The following RFPL2 variants were observed in gnomAD, a reference collection of about 807,000 sequenced individuals.
The protein encoded by RFPL2 is ret finger protein-like 2.
In RFPL2, 13 loss-of-function variants were observed where a neutral mutation model predicts 17.8. The observed-to-expected ratio is 0.73, with a 90% CI of 0.47 to 1.16. RFPL2 has a LOEUF of 1.16. RFPL2 is among the 50% of genes most tolerant of loss of function. The pLI, the probability that RFPL2 is intolerant of heterozygous loss-of-function variation, is 0.00. For synonymous variants in RFPL2, 189 were observed against 180.9 expected, an observed-to-expected ratio of 1.04 and a Z score of -0.36; for missense variants, 431 against 479.3, an observed-to-expected ratio of 0.90 and a Z score of 0.94.
chr22:32,191,108 C>T lies in RFPL2; in HGVS notation c.801G>A (p.Arg267=), dbSNP rs373525397. 6.2e-7 allele frequency: 1 copy of T among 1,614,002 alleles called. No individual in the cohort carries two copies. Among genetic ancestry groups the T allele is most frequent in the African/African-American group, 1.3e-5 (1 of 75,056 alleles). ...ATCCAAGCTCTGTGGTCAGCTGGAT[C>T]CTCCCTTTGCGGTGAACAGATTCTC... ...VCRESVHRKG[R]IQLTTELGFW... The change falls in exon 5 of 5, where the codon AGG becomes AGA. Residue 267 remains arginine (R), a synonymous_variant. Transcript: ENST00000652607.
chr22:32,199,221 C>T (rs960998896), intron 2 of RFPL2, among the ~76,000 whole-genome samples: 3 of 152,006 alleles, frequency 2.0e-5, no homozygotes, highest in African/African-American at 7.2e-5. Context: ...AGGCTGTGGA[C>T]ATGAAGCAGC....
At chr22:32,195,953 A>G (rs769243011) in intron 2 of RFPL2, among the ~76,000 whole-genome samples, 1 of 150,766 alleles carries the variant, frequency 6.6e-6, no homozygotes, top group Non-Finnish European at 1.5e-5. Flanking sequence ...GCCTCCACCA[A>G]AGCCCATTTC....
intron 2 of RFPL2, among the ~76,000 whole-genome samples, chr22:32,201,377 G>A (rs959601132): frequency 6.6e-6 from 1 of 152,152 alleles, no homozygotes; most frequent in Non-Finnish European, 1.5e-5. Context: ...AAAGCATTTG[G>A]TCAAGGAGAG....
At chr22:32,201,229 G>T (rs184245664) in intron 2 of RFPL2, among the ~76,000 whole-genome samples, 3 of 151,920 alleles carry the variant, frequency 2.0e-5, no homozygotes, top group Non-Finnish European at 2.9e-5. Flanking sequence ...TAGTAGAGAC[G>T]GGGTTTCACC....
rs5998296 is a variant in RFPL2, at chr22:32,198,534, G to A, written c.119+3799C>T. On this transcript the variant is annotated intron_variant, in intron 2 of 4. Coordinates refer to ENST00000652607, the MANE Select transcript of RFPL2 (RefSeq NM_001394555.1). ...GGGAGTAGATTTTCTATGAGCCTGTGTCACAGTGTGGGGTATTTCATGGAG... is the reference window on the plus strand; with the variant it reads ...GGGAGTAGATTTTCTATGAGCCTGTATCACAGTGTGGGGTATTTCATGGAG... 7.9e-3 allele frequency among the ~76,000 whole-genome samples: 1,206 copies of A among 152,188 alleles called. 12 individuals carry two copies. Among genetic ancestry groups the A allele is most frequent in the African/African-American group, 0.027 (1,126 of 41,502 alleles).
chr22:32,191,306 A>G lies in RFPL2; in HGVS notation c.603T>C (p.Ile201=). Residue 201 remains isoleucine, a synonymous_variant, in exon 5 of 5, where the codon ATT becomes ATC. Coordinates refer to ENST00000652607, the MANE Select transcript of RFPL2 (RefSeq NM_001394555.1). ...TTCGGACGCTCCTGAGGTCGTCAGA[A>G]ATGAGGAGGAAGTTGTTGGCTGTGT... The part of the protein sequence containing the change: ...DANTANNFLL[I]SDDLRSVRSG... 1.2e-5 allele frequency: 20 copies of G among 1,613,868 alleles called. No homozygotes were observed. Among genetic ancestry groups the G allele is most frequent in the Non-Finnish European group, 1.6e-5 (19 of 1,179,768 alleles).
intron 3 of RFPL2, among the ~76,000 whole-genome samples, chr22:32,193,771 G>A (rs951531095): frequency 6.7e-6 from 1 of 150,226 alleles, no homozygotes; most frequent in Non-Finnish European, 1.5e-5. Context: ...GCTGAGGCAG[G>A]AGAATCACTT....
At chr22:32,193,281 A>G in intron 3 of RFPL2, 89 bp from the exon 4 acceptor site, 1 of 1,607,952 alleles carries the variant, frequency 6.2e-7, no homozygotes, top group East Asian at 2.2e-5. Context: ...TCATGCATAG[A>G]GGTATTGTGT....
At chr22:32,202,918 G>A (rs900973534) in intron 1 of RFPL2, 40 of 998,748 alleles carry the variant, frequency 4.0e-5, no homozygotes, top group Non-Finnish European at 4.7e-5. Context: ...GGTCCCAGGC[G>A]GTCTCTGCAA....
At chr22:32,202,727 C>T in intron 1 of RFPL2, 177 bp from the exon 2 acceptor site, 2 of 1,204,790 alleles carry the variant, frequency 1.7e-6, no homozygotes, top group South Asian at 2.5e-5. Context: ...CACCACAGTG[C>T]CCGGGCTTCC....
chr22:32,193,138 T>G lies in RFPL2; in HGVS notation c.320A>C (p.Tyr107Ser). 6.2e-7 allele frequency: 1 copy of G among 1,613,900 alleles called. No individual in the cohort carries two copies. Among genetic ancestry groups the G allele is most frequent in the Non-Finnish European group, 8.5e-7 (1 of 1,179,850 alleles). The change falls in exon 4 of 5, where the codon TAT becomes TCT. Residue 107 changes from tyrosine to serine, a missense_variant. Transcript: ENST00000652607. ...EASSCPVCSD[Y>S]LEKPMSLECG... Reference sequence around the variant, plus strand: ...CTCCAGGGACATTGGTTTTTCCAGATAGTCTGAGCAGACGGGACAGCTGCT... The same window carrying G: ...CTCCAGGGACATTGGTTTTTCCAGAGAGTCTGAGCAGACGGGACAGCTGCT...
chr22:32,200,061 G>A (rs1923755562), intron 2 of RFPL2: 1 of 451,442 alleles, frequency 2.2e-6, no homozygotes, highest in Non-Finnish European at 4.5e-6. Context: ...CAGCACCCCT[G>A]TCACCCAGGG....
rs181570732 is a variant in RFPL2, at chr22:32,192,032, G to A, written c.557-680C>T. On this transcript the variant is annotated intron_variant, in intron 4 of 4. Coordinates refer to ENST00000652607, the MANE Select transcript of RFPL2 (RefSeq NM_001394555.1). ...TTGAAGAGATTGATTGCTGTTTGAT[G>A]GTGAATTAGGGAATGAAATGAATGG... is the stretch of plus-strand genomic sequence containing the variant. Among the ~76,000 whole-genome samples, 16 of 152,304 alleles carry A rather than the reference G, an allele frequency of 1.1e-4. No homozygotes were observed. The East Asian group carries it at 2.9e-3, about 28-fold the overall frequency.
Position 32,191,190 on chromosome 22 carries a change from C to G in RFPL2, c.719G>C (p.Arg240Pro). 6.2e-7 allele frequency: 1 copy of G among 1,613,918 alleles called. No homozygotes were observed. The highest frequency in any genetic ancestry group is 2.2e-5 in the East Asian group (1 of 44,880). ...TCCCACGTCCACCTCCCAGCAGTGG[C>G]GGCCACAGGTAAAGCGAGGGGAGCC... is the stretch of plus-strand genomic sequence containing the variant. ...ILGSPRFTCG[R>P]HCWEVDVGTS... is the part of the protein sequence containing the mutation. The change falls in exon 5 of 5, where the codon CGC (arginine) becomes CCC (proline). Residue 240 changes from arginine to proline, a missense_variant. Transcript: ENST00000652607.
In RFPL2 at chr22:32,194,396, G is replaced by C; in HGVS notation, c.214C>G (p.Leu72Val). The change falls in exon 3 of 5, where the codon CTG (leucine) becomes GTG (valine). Residue 72 changes from leucine (L) to valine (V), a missense_variant. Coordinates refer to ENST00000652607, the MANE Select transcript of RFPL2 (RefSeq NM_001394555.1). ...RPSCAPSPQD[L>V]SAQWKQLEDR... ...TCCAGCTGCTTCCACTGGGCGCTCA[G>C]GTCTTGTGGGGAAGGGGCACACGAG... 1 of 1,608,222 alleles carries C rather than the reference G, an allele frequency of 6.2e-7. No individual in the cohort carries two copies. Among genetic ancestry groups the C allele is most frequent in the Non-Finnish European group, 8.5e-7 (1 of 1,178,518 alleles).
chr22:32,196,256 A>G (rs2123781631), intron 2 of RFPL2, among the ~76,000 whole-genome samples: 1 of 152,390 alleles, frequency 6.6e-6, no homozygotes, highest in South Asian at 2.1e-4. Flanking sequence ...TACTTAATTC[A>G]TAAAATAACA....
chr22:32,190,735 T>C lies in RFPL2; in HGVS notation c.*37A>G. On this transcript the variant is annotated 3_prime_UTR_variant, in exon 5 of 5. Transcript: ENST00000652607. ...TCCTAAGTCTACCCACCCAAGTAAT[T>C]TTCTTACCCTGTTTTTTGTTTTTTT... 6.7e-7 allele frequency: 1 copy of C among 1,497,368 alleles called. No homozygotes were observed. The highest frequency in any genetic ancestry group is 8.9e-7 in the Non-Finnish European group (1 of 1,123,684). The allele number at this position is 1,497,368 out of a possible 1,614,324, so 92.8% of individuals were successfully genotyped here.
Position 32,202,323 on chromosome 22 carries a change from T to C in RFPL2, c.119+10A>G, listed in dbSNP as rs778337709. The C allele has an allele frequency of 6.3e-7, 1 of 1,585,192 alleles. No individual in the cohort carries two copies. The highest frequency in any genetic ancestry group is 1.8e-5 in the Admixed American group (1 of 55,580). The stretch of plus-strand genomic sequence containing the variant: ...TGGAGCAATGCGGAAAACCCAGAAT[T>C]GTCTCTCACCTCAGGCTCCTTATCA... On this transcript the variant is annotated intron_variant, in intron 2 of 4. Transcript: ENST00000652607.
intron 2 of RFPL2, among the ~76,000 whole-genome samples, chr22:32,195,738 G>A (rs1241107258): frequency 6.6e-6 from 1 of 152,026 alleles, no homozygotes; most frequent in South Asian, 2.1e-4. Context: ...GATTACAGGT[G>A]TGAGCCACCG....
Sources: allele counts gnomAD v4.1 joint callset (sites outside exome capture counted in the v4.1 genomes callset), GRCh38; gene constraint gnomAD v4.1.1; transcripts MANE v1.5; gene names NCBI Gene and HGNC (gene_info 2026-07-23, HGNC 2026-07-21).